SLC24A2: variants seen among roughly 807,000 people sequenced by gnomAD.
The protein encoded by SLC24A2 is sodium/potassium/calcium exchanger 2.
A neutral mutation model predicts 62.0 loss-of-function variants in SLC24A2; 36 were observed. The observed-to-expected ratio is 0.58, with a 90% confidence interval of 0.44 to 0.77. The LOEUF (loss-of-function observed/expected upper bound fraction) is 0.77, where lower values mean the gene tolerates loss of function less well. Among genes scored for constraint, SLC24A2 ranks in the 30% least tolerant of loss-of-function variants. The probability of loss-of-function intolerance (pLI) is 0.00; values close to 1 mark genes in which losing one functional copy is unlikely to be tolerated. For synonymous variants in SLC24A2, 358 were observed against 294.0 expected, an observed-to-expected ratio of 1.22 and a Z score of -2.23; for missense variants, 846 against 817.9, an observed-to-expected ratio of 1.03 and a Z score of -0.42.
chr9:19,740,358 A>C (rs530298666), intron 2 of SLC24A2, among the ~76,000 whole-genome samples: 1 of 152,214 alleles, frequency 6.6e-6, no homozygotes, highest in Non-Finnish European at 1.5e-5. Flanking sequence ...TGGATGAATA[A>C]ATTGTAGTGT....
the SLC24A2 span, among the ~76,000 whole-genome samples, chr9:19,896,390 G>A: frequency 6.6e-6 from 1 of 152,182 alleles, no homozygotes; most frequent in Non-Finnish European, 1.5e-5. Flanking sequence ...TAACAACACT[G>A]GTGTACAGTG....
chr9:20,262,073 G>C, the SLC24A2 span, among the ~76,000 whole-genome samples: 3 of 152,080 alleles, frequency 2.0e-5, no homozygotes, highest in Non-Finnish European at 4.4e-5. Context: ...ATAAACAAAA[G>C]ACAACATTGC....
chr9:20,188,166 T>A, the SLC24A2 span, among the ~76,000 whole-genome samples: 65 of 152,316 alleles, frequency 4.3e-4, no homozygotes, highest in East Asian at 0.012. Context: ...CTACAAACAG[T>A]GTCCATGCGA....
the SLC24A2 span, among the ~76,000 whole-genome samples, chr9:20,006,740 C>A: frequency 6.6e-6 from 1 of 152,104 alleles, no homozygotes; most frequent in Non-Finnish European, 1.5e-5. Context: ...AATCTAAAGT[C>A]TGAAATTTTA....
chr9:20,307,620 T>C, the SLC24A2 span, among the ~76,000 whole-genome samples: 1 of 152,116 alleles, frequency 6.6e-6, no homozygotes, highest in Non-Finnish European at 1.5e-5. Flanking sequence ...ATACTTGGGG[T>C]CCAGGAATGA....
intron 2 of SLC24A2, among the ~76,000 whole-genome samples, chr9:19,722,642 TAAGA>T (rs1364442106): frequency 9.3e-6 from 1 of 107,230 alleles, no homozygotes; most frequent in Non-Finnish European, 1.8e-5. Flanking sequence ...TCTGGGAAGT[TAAGA>T]AATAGGATAT....
intron 2 of SLC24A2, among the ~76,000 whole-genome samples, chr9:19,624,459 G>T (rs2117932066): frequency 6.6e-6 from 1 of 152,074 alleles, no homozygotes; most frequent in East Asian, 1.9e-4. Flanking sequence ...CCTGTCTTTT[G>T]GTCTGAAAAG....
chr9:19,580,306 A>T lies in SLC24A2; in HGVS notation c.1130-3284T>A, dbSNP rs1217676803. ...AGGCTAGAAGGATTTTCCGTTAAAG[A>T]TTAGTTTCTAGAAAGGCTGCAGTTG... On this transcript the variant is annotated intron_variant, in intron 5 of 10. Coordinates refer to ENST00000341998, the MANE Select transcript of SLC24A2 (RefSeq NM_020344.4). Among the ~76,000 whole-genome samples the T allele has an allele frequency of 6.6e-5, 10 of 152,358 alleles. No homozygotes were observed. In the East Asian group the frequency reaches 1.7e-3, roughly 26 times the overall value.
chr9:20,265,282 G>C, the SLC24A2 span, among the ~76,000 whole-genome samples: 1 of 152,328 alleles, frequency 6.6e-6, no homozygotes, highest in Non-Finnish European at 1.5e-5. Context: ...GGCCTGGGTT[G>C]ACTGTCATAA....
the SLC24A2 span, among the ~76,000 whole-genome samples, chr9:19,905,010 T>C: frequency 6.6e-6 from 1 of 152,196 alleles, no homozygotes; most frequent in Admixed American, 6.5e-5. Flanking sequence ...AAGTATAATA[T>C]ATAGCAAGTC....
At chr9:20,104,395 T>C in the SLC24A2 span, among the ~76,000 whole-genome samples, 5 of 152,156 alleles carry the variant, frequency 3.3e-5, no homozygotes, top group East Asian at 1.9e-4. Context: ...GACACATAAT[T>C]GTCAGATTCA....
At chr9:19,649,723 C>A (rs1226477562) in intron 2 of SLC24A2, among the ~76,000 whole-genome samples, 1 of 152,134 alleles carries the variant, frequency 6.6e-6, no homozygotes, top group East Asian at 1.9e-4. Context: ...AATGGTTCAA[C>A]AAGGAAATAT....
At position 19,509,269 on chromosome 9, in the gene SLC24A2, G is replaced by C. The variant is rs530905057; in HGVS notation, c.*6884C>G. On this transcript the variant is annotated 3_prime_UTR_variant, in exon 11 of 11. Coordinates refer to ENST00000341998, the MANE Select transcript of SLC24A2 (RefSeq NM_020344.4). ...TGTAATAAGCTATTTTGAAAACGAA[G>C]ACTGCTTTTGTGAAATGAATAATTT... The C allele has an allele frequency of 1.3e-5, 2 of 152,250 alleles. No individual in the cohort carries two copies. Among genetic ancestry groups the C allele is most frequent in the South Asian group, 4.1e-4 (2 of 4,826 alleles). The allele number at this position is 152,250 out of a possible 1,614,324, so 9.4% of individuals were successfully genotyped here.
chr9:20,131,871 G>A, the SLC24A2 span, among the ~76,000 whole-genome samples: 1 of 152,088 alleles, frequency 6.6e-6, no homozygotes. Flanking sequence ...TTATGGCCAG[G>A]TTAATCTGAT....
upstream of SLC24A2, among the ~76,000 whole-genome samples, chr9:19,792,204 G>C (rs761712572): frequency 6.6e-6 from 1 of 152,144 alleles, no homozygotes; most frequent in Non-Finnish European, 1.5e-5. Context: ...TCCCCAGGGG[G>C]CCACAGTGTC....
At chr9:20,058,829 C>G in the SLC24A2 span, among the ~76,000 whole-genome samples, 1 of 152,180 alleles carries the variant, frequency 6.6e-6, no homozygotes, top group South Asian at 2.1e-4. Context: ...ACCCTGATTT[C>G]CATTGTCTTG....
At chr9:20,232,148 T>G in the SLC24A2 span, among the ~76,000 whole-genome samples, 1 of 152,256 alleles carries the variant, frequency 6.6e-6, no homozygotes, top group Non-Finnish European at 1.5e-5. Flanking sequence ...AGTATTTTAT[T>G]GAGGATTTTT....
chr9:20,122,579 T>A, the SLC24A2 span, among the ~76,000 whole-genome samples: 1 of 152,022 alleles, frequency 6.6e-6, no homozygotes, highest in Non-Finnish European at 1.5e-5. Flanking sequence ...TCCCAGCTAC[T>A]TGAAGCTGAG....
chr9:20,296,786 A>G, the SLC24A2 span, among the ~76,000 whole-genome samples: 12 of 152,220 alleles, frequency 7.9e-5, no homozygotes, highest in Non-Finnish European at 7.3e-5. Flanking sequence ...GTATGCATTT[A>G]TAAATTTCAC....
Sources: allele counts gnomAD v4.1 joint callset (sites outside exome capture counted in the v4.1 genomes callset), GRCh38; gene constraint gnomAD v4.1.1; transcripts MANE v1.5; gene names NCBI Gene and HGNC (gene_info 2026-07-23, HGNC 2026-07-21).